Variants in TNPO1 observed in about 807,000 individuals in gnomAD.
TNPO1 encodes the protein transportin-1.
In TNPO1, 8 loss-of-function variants were observed where a neutral mutation model predicts 119.5. That is an observed-to-expected ratio of 0.07 (90% CI 0.04 to 0.12). TNPO1 has a LOEUF of 0.12. Among genes scored for constraint, TNPO1 ranks in the 10% least tolerant of loss-of-function variants. TNPO1 has a pLI of 1.00. For missense variants in TNPO1, 576 were observed against 1,089.8 expected (o/e 0.53, Z 6.64); for synonymous variants, 362 against 363.0 (o/e 1.00, Z 0.03).
intron 20 of TNPO1, 38 bp downstream of exon 20, chr5:72,897,189 T>G (rs1429601251): frequency 4.1e-6 from 6 of 1,477,482 alleles, no homozygotes; most frequent in Non-Finnish European, 5.5e-6. Context: ...AAGAGAAAAT[T>G]TGTTGCCTTT....
rs559270746 is a variant in TNPO1, at chr5:72,912,613, T to C, written c.*3940T>C. ...AGCAGGCTGGGGTGGTATAAAGCCC[T>C]CCTGACAAGCCTTTTGCCTACAGGT... On this transcript the variant is annotated 3_prime_UTR_variant, in exon 25 of 25. Transcript: ENST00000337273. The C allele has an allele frequency of 6.6e-6, 1 of 152,582 alleles. No individual in the cohort carries two copies. Among genetic ancestry groups the C allele is most frequent in the African/African-American group, 2.4e-5 (1 of 41,560 alleles). The allele number at this position is 152,582 out of a possible 1,614,324, so 9.5% of individuals were successfully genotyped here. A position where few individuals can be genotyped will look rare whatever the true frequency, so the allele number is the denominator to read the frequency against.
At chr5:72,905,243 CT>C in intron 23 of TNPO1, 59 bp from the exon 24 acceptor site, 2 of 1,223,944 alleles carry the variant, frequency 1.6e-6, no homozygotes, top group Non-Finnish European at 2.4e-6. Flanking sequence ...ATTTCAGAAG[CT>C]ATGCTGATCT....
At chr5:72,879,301 C>T (rs1748053912) in intron 9 of TNPO1, 1 of 156,380 alleles carries the variant, frequency 6.4e-6, no homozygotes, top group African/African-American at 2.4e-5. Context: ...TAACATAAAC[C>T]TATGCTATAA....
intron 1 of TNPO1, among the ~76,000 whole-genome samples, chr5:72,841,675 T>C (rs1032253721): frequency 4.6e-5 from 7 of 152,214 alleles, no homozygotes; most frequent in African/African-American, 1.4e-4. Flanking sequence ...GTTCCACTGA[T>C]AGCTATAATT....
chr5:72,902,540 T>A (rs1749869287), intron 22 of TNPO1, among the ~76,000 whole-genome samples: 1 of 152,026 alleles, frequency 6.6e-6, no homozygotes, highest in Non-Finnish European at 1.5e-5. Flanking sequence ...TTAAGAACTT[T>A]GTGTGATCTC....
intron 23 of TNPO1, among the ~76,000 whole-genome samples, chr5:72,904,700 G>A (rs904591113): frequency 3.3e-5 from 5 of 152,196 alleles, no homozygotes; most frequent in African/African-American, 9.7e-5. Context: ...AGGAGGCTGA[G>A]GCAGGAGAAT....
intron 6 of TNPO1, among the ~76,000 whole-genome samples, chr5:72,869,479 G>A (rs990629543): frequency 2.0e-5 from 3 of 152,130 alleles, no homozygotes; most frequent in East Asian, 1.9e-4. Context: ...CCCAGGAGGC[G>A]GAGGTTGTGG....
intron 22 of TNPO1, among the ~76,000 whole-genome samples, chr5:72,902,864 A>T (rs1160417872): frequency 6.6e-6 from 1 of 152,194 alleles, no homozygotes; most frequent in Non-Finnish European, 1.5e-5. Flanking sequence ...TTTGGAAGAC[A>T]TAATTTGAAT....
intron 11 of TNPO1, among the ~76,000 whole-genome samples, chr5:72,885,874 G>C (rs987331205): frequency 1.3e-5 from 2 of 151,552 alleles, no homozygotes; most frequent in African/African-American, 2.4e-5. Context: ...CAGGATACCT[G>C]AAGTTCAGAA....
At chr5:72,906,140 A>C (rs1360161472) in intron 24 of TNPO1, among the ~76,000 whole-genome samples, 1 of 152,036 alleles carries the variant, frequency 6.6e-6, no homozygotes, top group African/African-American at 2.4e-5. Flanking sequence ...GCATGAATTT[A>C]TAGTCTCTGC....
chr5:72,886,337 C>T (rs750633408), intron 11 of TNPO1, among the ~76,000 whole-genome samples: 3 of 152,042 alleles, frequency 2.0e-5, no homozygotes, highest in Non-Finnish European at 4.4e-5. Flanking sequence ...AAGTAATTGT[C>T]TGTTTAATTC....
chr5:72,876,783 C>G (rs564653263), intron 8 of TNPO1, among the ~76,000 whole-genome samples: 1 of 152,170 alleles, frequency 6.6e-6, no homozygotes, highest in South Asian at 2.1e-4. Context: ...ATTTTATAGT[C>G]ACCTAGGAAA....
intron 2 of TNPO1, among the ~76,000 whole-genome samples, chr5:72,850,359 G>A (rs564316573): frequency 2.0e-5 from 3 of 152,276 alleles, no homozygotes; most frequent in African/African-American, 7.2e-5. Flanking sequence ...ACACCTTGCA[G>A]TTTTACTAGA....
chr5:72,855,284 A>AT, intron 3 of TNPO1, among the ~76,000 whole-genome samples: 1 of 151,860 alleles, frequency 6.6e-6, no homozygotes, highest in East Asian at 1.9e-4. Flanking sequence ...AAAAAAAAAA[A>AT]CCAGCAACAA....
intron 7 of TNPO1, among the ~76,000 whole-genome samples, chr5:72,874,552 A>G (rs1182095389): frequency 6.6e-6 from 1 of 152,226 alleles, no homozygotes; most frequent in East Asian, 1.9e-4. Flanking sequence ...TGCTGGGAAA[A>G]TAGTGCTCTT....
intron 9 of TNPO1, chr5:72,878,986 G>A (rs1748032345): frequency 2.2e-6 from 1 of 462,024 alleles, no homozygotes; most frequent in South Asian, 1.6e-5. Context: ...GATTACTCTG[G>A]CTTTGTTTAG....
chr5:72,870,402 T>C (rs1011887307), intron 6 of TNPO1, among the ~76,000 whole-genome samples: 1 of 152,182 alleles, frequency 6.6e-6, no homozygotes, highest in African/African-American at 2.4e-5. Flanking sequence ...CCTCAGGTGA[T>C]CCGCCCACCG....
At chr5:72,816,902 C>T (rs1042987358) in intron 1 of TNPO1, 150 bp downstream of exon 1, 18 of 1,002,770 alleles carry the variant, frequency 1.8e-5, no homozygotes, top group African/African-American at 3.4e-5. Context: ...GAGGCAGCGG[C>T]GGCGCGGTTC....
chr5:72,858,871 T>C (rs1003938888), intron 4 of TNPO1, among the ~76,000 whole-genome samples: 22 of 151,928 alleles, frequency 1.4e-4, no homozygotes, highest in African/African-American at 2.2e-4. Context: ...TTTTATAGTT[T>C]TGTTGTTGTT....
Sources: gnomAD v4.1 joint callset for allele counts (sites outside exome capture counted in the v4.1 genomes callset) on GRCh38, gnomAD v4.1.1 for gene constraint, MANE v1.5 for transcripts, NCBI Gene and HGNC (gene_info 2026-07-23, HGNC 2026-07-21) for gene names.